VPS39: variants seen among roughly 807,000 people sequenced by gnomAD.
VPS39 encodes the protein VPS39 subunit of HOPS complex, also known as vam6/Vps39-like protein.
Under a neutral mutation model 121.0 loss-of-function variants are expected in VPS39, and 70 were observed. That is an observed-to-expected ratio of 0.58 (90% CI 0.48 to 0.71). The LOEUF is 0.71. Among genes scored for constraint, VPS39 ranks in the 30% least tolerant of loss-of-function variants. The pLI is 0.00. For synonymous variants in VPS39, 378 were observed against 398.1 expected (o/e 0.95, Z 0.60); for missense variants, 818 against 1,051.5 (o/e 0.78, Z 3.07).
At chr15:42,184,724 C>CA in intron 7 of VPS39, 24 bp from the exon 8 acceptor site, 1 of 1,588,850 alleles carries the variant, frequency 6.3e-7, no homozygotes, top group Non-Finnish European at 8.6e-7. Context: ...CAGAGTGAGT[C>CA]ACCTAGCATT....
At chr15:42,178,707 C>T in intron 8 of VPS39, 137 bp from the exon 9 acceptor site, 4 of 1,239,758 alleles carry the variant, frequency 3.2e-6, no homozygotes, top group Non-Finnish European at 4.4e-6. Flanking sequence ...CAGGATCTTA[C>T]ACTGTGATTC....
intron 1 of VPS39, among the ~76,000 whole-genome samples, chr15:42,201,672 A>C (rs2050072154): frequency 6.6e-6 from 1 of 152,334 alleles, no homozygotes; most frequent in African/African-American, 2.4e-5. Flanking sequence ...TTCAAGGACC[A>C]CATTTTGGGA....
At chr15:42,201,611 C>T (rs1038989175) in intron 1 of VPS39, among the ~76,000 whole-genome samples, 1 of 152,132 alleles carries the variant, frequency 6.6e-6, no homozygotes, top group African/African-American at 2.4e-5. Context: ...TAAAAGTAGG[C>T]CCAGGAATTT....
At chr15:42,161,588 T>G in intron 24 of VPS39, 94 bp downstream of exon 24, 1 of 1,274,186 alleles carries the variant, frequency 7.8e-7, no homozygotes, top group South Asian at 1.2e-5. Context: ...ATGTTCTCCT[T>G]CTCTGTTAAA....
intron 17 of VPS39, 91 bp from the exon 18 acceptor site, chr15:42,165,204 C>A: frequency 8.2e-7 from 1 of 1,216,404 alleles, no homozygotes; most frequent in South Asian, 1.3e-5. Flanking sequence ...CCCAACAGGT[C>A]CCATCCAGAT....
chr15:42,167,597 T>C, intron 12 of VPS39, 60 bp from the exon 13 acceptor site: 1 of 1,589,280 alleles, frequency 6.3e-7, no homozygotes, highest in East Asian at 2.2e-5. Flanking sequence ...TCATCTGAGC[T>C]ACTGGGTAAT....
intron 8 of VPS39, among the ~76,000 whole-genome samples, chr15:42,183,679 T>C (rs1947690160): frequency 6.6e-6 from 1 of 152,236 alleles, no homozygotes; most frequent in Non-Finnish European, 1.5e-5. Flanking sequence ...GTCTTACCTA[T>C]GTAATGAAAC....
chr15:42,192,240 T>C, intron 2 of VPS39: 1 of 844,624 alleles, frequency 1.2e-6, no homozygotes, highest in Non-Finnish European at 1.9e-6. Flanking sequence ...TCAGAGCAGC[T>C]ATCATGAAGC....
At chr15:42,181,127 C>T (rs1015283824) in intron 8 of VPS39, among the ~76,000 whole-genome samples, 6 of 152,006 alleles carry the variant, frequency 3.9e-5, no homozygotes, top group Admixed American at 2.0e-4. Context: ...CAAGTATCCA[C>T]GAACGGATGG....
chr15:42,162,619 C>T (rs2049154459), intron 21 of VPS39, 138 bp from the exon 22 acceptor site: 1 of 1,045,664 alleles, frequency 9.6e-7, no homozygotes. Context: ...TCATTTTCAC[C>T]TTGTAAATTG....
At chr15:42,189,712 G>A (rs1395553693) in intron 4 of VPS39, among the ~76,000 whole-genome samples, 2 of 122,370 alleles carry the variant, frequency 1.6e-5, no homozygotes, top group African/African-American at 6.2e-5. Flanking sequence ...CTGGGCGACA[G>A]AGTGAGACTC....
intron 21 of VPS39, 116 bp from the exon 22 acceptor site, chr15:42,162,597 A>G (rs1342187057): frequency 4.1e-6 from 5 of 1,216,494 alleles, no homozygotes; most frequent in Non-Finnish European, 5.4e-6. Flanking sequence ...ATCACTGAGC[A>G]TGTAAAACTG....
chr15:42,161,771 G>A lies in VPS39; in HGVS notation c.2463C>T (p.Val821=). The A allele has an allele frequency of 6.2e-7, 1 of 1,614,112 alleles. No homozygotes were observed. Among genetic ancestry groups the A allele is most frequent in the Admixed American group, 1.7e-5 (1 of 60,030 alleles). Residue 821 remains valine (V), a splice_region_variant and synonymous_variant, in exon 24 of 25, where the codon GTC becomes GTT. Coordinates refer to ENST00000318006, the MANE Select transcript of VPS39 (RefSeq NM_015289.5). ...GCTGGTGTAAAATCCGCTCTTCCTG[G>A]ACCTGGAAGAACAGGGGGATTGAGG... The part of the protein sequence containing the change: ...KNLLHAEFLR[V]QEERILHQQV...
At chr15:42,178,366 A>C in intron 9 of VPS39, 28 bp from the exon 10 acceptor site, 1 of 1,614,182 alleles carries the variant, frequency 6.2e-7, no homozygotes, top group Non-Finnish European at 8.5e-7. Context: ...AATATTAGCA[A>C]AAGATCACAG....
rs531721168 is a variant in VPS39, at chr15:42,208,281, A to C, written c.-128T>G. ...GGAACCCCCCGGCTACAGGCCCTTCAACAACACAGCCATCGTCAACCCCGG... is the reference window on the plus strand; with the variant it reads ...GGAACCCCCCGGCTACAGGCCCTTCCACAACACAGCCATCGTCAACCCCGG... On this transcript the variant is annotated 5_prime_UTR_variant, in exon 1 of 25. Coordinates refer to ENST00000318006, the MANE Select transcript of VPS39 (RefSeq NM_015289.5). The C allele has an allele frequency of 3.2e-6, 4 of 1,241,078 alleles. No individual in the cohort carries two copies. Among genetic ancestry groups the C allele is most frequent in the African/African-American group, 3.0e-5 (2 of 66,766 alleles). The allele number at this position is 1,241,078 out of a possible 1,614,324, so 76.9% of individuals were successfully genotyped here.
chr15:42,169,704 G>A lies in VPS39; in HGVS notation c.1233+20C>T, dbSNP rs573183495. On this transcript the variant is annotated intron_variant, in intron 12 of 24. Transcript: ENST00000318006. ...GAAACTCCCAGGCAAACTCTTTCAC[G>A]CACTCTGTACTATACCTACCTGTGT... The A allele has an allele frequency of 1.3e-5, 21 of 1,595,444 alleles. No homozygotes were observed. Among genetic ancestry groups the A allele is most frequent in the Admixed American group, 6.8e-5 (4 of 59,032 alleles).
At chr15:42,170,900 ATTT>A (rs2049336048) in intron 11 of VPS39, among the ~76,000 whole-genome samples, 1 of 151,852 alleles carries the variant, frequency 6.6e-6, no homozygotes, top group African/African-American at 2.4e-5. Flanking sequence ...CCAGCTAATT[ATTT>A]TTAAATTTTT....
rs766480551 is a variant in VPS39 at position 42,187,746 on chromosome 15, C to T, written c.441+12G>A. The T allele has an allele frequency of 2.9e-5, 47 of 1,613,782 alleles. No individual in the cohort carries two copies. The highest frequency in any genetic ancestry group is 3.7e-5 in the Non-Finnish European group (44 of 1,179,782). ...TCCCACCCAACCATGGACCAAGGAA[C>T]AGTGGACTTACCTGCAATTCATGAA... On this transcript the variant is annotated intron_variant, in intron 6 of 24. Transcript: ENST00000318006.
chr15:42,185,459 A>T (rs775703090), intron 7 of VPS39, among the ~76,000 whole-genome samples: 27 of 152,182 alleles, frequency 1.8e-4, no homozygotes, highest in Non-Finnish European at 2.9e-4. Context: ...CTGGGATTAA[A>T]GGTGTGAGCC....
Sources: allele counts gnomAD v4.1 joint callset (sites outside exome capture counted in the v4.1 genomes callset), GRCh38; gene constraint gnomAD v4.1.1; transcripts MANE v1.5; gene names NCBI Gene and HGNC (gene_info 2026-07-23, HGNC 2026-07-21).